Variants in DAZL observed in about 807,000 individuals in gnomAD.
The protein encoded by DAZL is deleted in azoospermia like, also known as deleted in azoospermia-like.
DAZL carries 4 observed loss-of-function variants against 45.0 expected under a neutral mutation model. That is an observed-to-expected ratio of 0.09 (90% confidence interval 0.04 to 0.20). The LOEUF (loss-of-function observed/expected upper bound fraction) is 0.20, where lower values mean the gene tolerates loss of function less well. DAZL is among the 10% of genes least tolerant of loss of function. The pLI is 1.00. For missense variants in DAZL, 326 were observed against 351.3 expected (o/e 0.93, Z 0.58); for synonymous variants, 122 against 112.4 (o/e 1.09, Z -0.54).
chr3:16,591,910 T>A, intron 10 of DAZL, 140 bp downstream of exon 10: 1 of 957,498 alleles, frequency 1.0e-6, no homozygotes, highest in Non-Finnish European at 1.6e-6. Context: ...AAACCCACTC[T>A]GGTTTACTGT....
rs905492912 is a variant in DAZL, at chr3:16,587,211, T to G, written c.*1449A>C. 6.6e-6 allele frequency: 1 copy of G among 152,098 alleles called. No homozygotes were observed. Among genetic ancestry groups the G allele is most frequent in the African/African-American group, 2.4e-5 (1 of 41,414 alleles). The allele number at this position is 152,098 out of a possible 1,614,324, so 9.4% of individuals were successfully genotyped here. A position where few individuals can be genotyped will look rare whatever the true frequency, so the allele number is the denominator to read the frequency against. On this transcript the variant is annotated 3_prime_UTR_variant, in exon 11 of 11. Coordinates refer to ENST00000399444, the MANE Select transcript of DAZL (RefSeq NM_001351.4). The stretch of plus-strand genomic sequence containing the variant: ...CTCCTTCAGATTCAGAATGAAAATT[T>G]TAAGGAATTATAGACCCTAGGGGGC...
intron 10 of DAZL, 117 bp downstream of exon 10, chr3:16,591,933 T>C (rs899678556): frequency 2.5e-6 from 3 of 1,222,172 alleles, no homozygotes; most frequent in African/African-American, 3.0e-5. Context: ...TATAGTCAAA[T>C]GCCAACAGTT....
intron 4 of DAZL, 88 bp downstream of exon 4, chr3:16,597,402 T>C (rs1352110950): frequency 3.1e-6 from 3 of 959,614 alleles, no homozygotes; most frequent in Non-Finnish European, 5.1e-6. Context: ...TGTATCGTCT[T>C]CCAAATTTTA....
Position 16,598,517 on chromosome 3 carries a change from C to T in DAZL, c.85G>A (p.Gly29Ser). Residue 29 changes from glycine (G) to serine (S), a missense_variant, in exon 2 of 11, where the codon GGC becomes AGC. By Grantham distance (56) the Gly-to-Ser change is moderately conservative. Around this residue, in one of 3 missense-constraint regions of DAZL, gnomAD observed 81 missense variants for 89.6 expected, o/e 0.90. Transcript: ENST00000399444. ...TQSSSAATSQ[G>S]YILPEGKIMP... ...ATTTTGCCTTCTGGTAAAATATAGCCTTGGCTGGTTGCAGCTGATGAGGAC... is the reference window on the plus strand; with the variant it reads ...ATTTTGCCTTCTGGTAAAATATAGCTTTGGCTGGTTGCAGCTGATGAGGAC... The T allele has an allele frequency of 6.2e-7, 1 of 1,607,884 alleles. No individual in the cohort carries two copies. The highest frequency in any genetic ancestry group is 8.5e-7 in the Non-Finnish European group (1 of 1,179,184).
Position 16,598,346 on chromosome 3 carries a change from A to G in DAZL, c.150+106T>C, listed in dbSNP as rs912459362. The G allele has an allele frequency of 1.1e-5, 16 of 1,506,762 alleles. No homozygotes were observed. In the African/African-American group the frequency reaches 1.9e-4, roughly 18 times the overall value. The allele number at this position is 1,506,762 out of a possible 1,614,324, so 93.3% of individuals were successfully genotyped here. A position where few individuals can be genotyped will look rare whatever the true frequency, so the allele number is the denominator to read the frequency against. ...TACCTATGGGTCAAATGTAAAACCA[A>G]TTCTAAACCTCCATGAAGTACAAAA... On this transcript the variant is annotated intron_variant, in intron 2 of 10. Coordinates refer to ENST00000399444, the MANE Select transcript of DAZL (RefSeq NM_001351.4).
rs755943566 is a variant in DAZL, at chr3:16,596,827, T to C, written c.421A>G (p.Asn141Asp). ...TCAGTGTTTGGATTAGTCCAGACATTCTGAAACTGTGGTGGAGGAGGATGA... is the reference window on the plus strand; with the variant it reads ...TCAGTGTTTGGATTAGTCCAGACATCCTGAAACTGTGGTGGAGGAGGATGA... ...FNHPPPPQFQ[N>D]VWTNPNTETY... Residue 141 changes from asparagine (N) to aspartate (D), a missense_variant, in exon 6 of 11, where the codon AAT becomes GAT. By Grantham distance (23) the Asn-to-Asp change is conservative. Around this residue, in one of 3 missense-constraint regions of DAZL, gnomAD observed 227 missense variants for 216.6 expected, o/e 1.05. Transcript: ENST00000399444. 7 of 1,613,702 alleles carry C rather than the reference T, an allele frequency of 4.3e-6. No individual in the cohort carries two copies. Among genetic ancestry groups the C allele is most frequent in the South Asian group, 2.2e-5 (2 of 91,082 alleles).
chr3:16,605,136 G>C, intron 1 of DAZL, 67 bp downstream of exon 1: 1 of 1,604,012 alleles, frequency 6.2e-7, no homozygotes, highest in Non-Finnish European at 8.5e-7. Context: ...CGACCCTGCA[G>C]AGCCGAGTTT....
intron 3 of DAZL, 98 bp from the exon 4 acceptor site, chr3:16,597,639 T>C (rs74193997): frequency 0.15 from 118,542 of 776,942 alleles, 11,951 homozygotes; most frequent in East Asian, 0.43. Flanking sequence ...AAAATATGAA[T>C]AATATACTAT....
intron 10 of DAZL, among the ~76,000 whole-genome samples, chr3:16,591,678 C>T (rs1694520774): frequency 6.6e-6 from 1 of 152,120 alleles, no homozygotes; most frequent in African/African-American, 2.4e-5. Context: ...AAGCAATCCA[C>T]CCATCTCAGC....
At chr3:16,595,475 CT>C in intron 6 of DAZL, 90 bp from the exon 7 acceptor site, 1 of 758,420 alleles carries the variant, frequency 1.3e-6, no homozygotes, top group South Asian at 1.9e-5. Flanking sequence ...AATATGAAAA[CT>C]TTTAAAATAT....
At chr3:16,603,529 T>C (rs73142534) in intron 1 of DAZL, among the ~76,000 whole-genome samples, 1,667 of 150,046 alleles carry the variant, frequency 0.011, 28 homozygotes, top group African/African-American at 0.038. Flanking sequence ...CTGTTTTTAG[T>C]AGCGATGGGG....
intron 10 of DAZL, among the ~76,000 whole-genome samples, chr3:16,590,539 C>T (rs1433389354): frequency 2.0e-5 from 3 of 152,070 alleles, no homozygotes; most frequent in Admixed American, 6.6e-5. Context: ...CAAGTATATA[C>T]GCAAGAGAAA....
chr3:16,591,132 A>G (rs1445942797), intron 10 of DAZL, among the ~76,000 whole-genome samples: 1 of 152,198 alleles, frequency 6.6e-6, no homozygotes, highest in Non-Finnish European at 1.5e-5. Context: ...TCATAGACTT[A>G]GAACTACAGG....
intron 1 of DAZL, chr3:16,604,861 G>T: frequency 1.4e-6 from 1 of 714,116 alleles, no homozygotes; most frequent in South Asian, 2.0e-5. Flanking sequence ...GTCGGGGGTG[G>T]GGAACCCGCA....
At chr3:16,597,986 C>T (rs1694626020) in intron 3 of DAZL, 101 bp downstream of exon 3, 2 of 1,225,338 alleles carry the variant, frequency 1.6e-6, no homozygotes, top group Admixed American at 4.1e-5. Flanking sequence ...GAAATTAACA[C>T]AGCAACAAAT....
At chr3:16,605,141 G>A (rs73142542) in intron 1 of DAZL, 62 bp downstream of exon 1, 36 of 1,607,308 alleles carry the variant, frequency 2.2e-5, no homozygotes, top group South Asian at 1.8e-4. Context: ...CTGCAGAGCC[G>A]AGTTTCACCC....
At chr3:16,597,988 G>T in intron 3 of DAZL, 99 bp downstream of exon 3, 1 of 1,228,902 alleles carries the variant, frequency 8.1e-7, no homozygotes, top group Non-Finnish European at 1.2e-6. Flanking sequence ...AATTAACACA[G>T]CAACAAATTT....
intron 10 of DAZL, among the ~76,000 whole-genome samples, chr3:16,589,106 G>A (rs553658449): frequency 3.9e-5 from 6 of 152,170 alleles, no homozygotes; most frequent in South Asian, 2.1e-4. Flanking sequence ...TAGGAACCAC[G>A]GCTTGTGAAC....
At chr3:16,588,738 T>TTA in intron 10 of DAZL, 25 bp from the exon 11 acceptor site, 2 of 1,601,488 alleles carry the variant, frequency 1.2e-6, no homozygotes, top group African/African-American at 1.3e-5. Context: ...AAGAGTCCTT[T>TTA]TACTTTACTG....
Sources: allele counts gnomAD v4.1 joint callset (sites outside exome capture counted in the v4.1 genomes callset), GRCh38; gene constraint gnomAD v4.1.1; regional missense constraint gnomAD v4.1.1; transcripts MANE v1.5; gene names NCBI Gene and HGNC (gene_info 2026-07-23, HGNC 2026-07-21).